Variants in GTF2F2 observed in about 807,000 individuals in gnomAD.
GTF2F2 encodes ATP-dependent helicase GTF2F2.
Under a neutral mutation model 42.2 loss-of-function variants are expected in GTF2F2, and 23 were observed. The ratio of observed to expected loss-of-function variants is 0.55; its 90% CI spans 0.39 to 0.77. The LOEUF (loss-of-function observed/expected upper bound fraction) is 0.77. GTF2F2 is among the 30% of genes least tolerant of loss of function. The pLI is 0.00. For synonymous variants in GTF2F2, 105 were observed against 100.8 expected (o/e 1.04, Z -0.25); for missense variants, 261 against 287.2 (o/e 0.91, Z 0.66).
intron 5 of GTF2F2, among the ~76,000 whole-genome samples, chr13:45,225,039 C>A (rs934455120): frequency 1.8e-4 from 27 of 152,182 alleles, no homozygotes; most frequent in African/African-American, 6.5e-4. Flanking sequence ...TCAGCTGAGG[C>A]CTTCACTAAA....
At chr13:45,122,582 C>T (rs1352524787) in intron 1 of GTF2F2, among the ~76,000 whole-genome samples, 3 of 151,762 alleles carry the variant, frequency 2.0e-5, no homozygotes, top group Admixed American at 6.6e-5. Context: ...TGCAGTGAGC[C>T]GAGATTGCTC....
At chr13:45,227,723 G>A (rs1874428665) in intron 5 of GTF2F2, among the ~76,000 whole-genome samples, 1 of 152,240 alleles carries the variant, frequency 6.6e-6, no homozygotes, top group Non-Finnish European at 1.5e-5. Flanking sequence ...TAAATGGAAT[G>A]TAATTAAATG....
At chr13:45,228,669 C>CTT (rs57570023) in intron 5 of GTF2F2, among the ~76,000 whole-genome samples, 8 of 108,280 alleles carry the variant, frequency 7.4e-5, no homozygotes, top group African/African-American at 1.4e-4. Flanking sequence ...CAGAGTTAAT[C>CTT]TTTTTTTTTT....
At chr13:45,179,349 A>C (rs373514612) in intron 4 of GTF2F2, among the ~76,000 whole-genome samples, 1 of 152,350 alleles carries the variant, frequency 6.6e-6, no homozygotes, top group South Asian at 2.1e-4. Flanking sequence ...TACAGTGACC[A>C]TGTAGCTTAC....
intron 4 of GTF2F2, among the ~76,000 whole-genome samples, chr13:45,201,153 A>G (rs1199912195): frequency 6.6e-6 from 1 of 152,174 alleles, no homozygotes; most frequent in Non-Finnish European, 1.5e-5. Context: ...TAACTTCTTC[A>G]AACTAGGGAT....
At chr13:45,126,065 A>T (rs987661918) in intron 1 of GTF2F2, among the ~76,000 whole-genome samples, 6 of 152,080 alleles carry the variant, frequency 3.9e-5, no homozygotes, top group Non-Finnish European at 7.4e-5. Context: ...CACTCTCAGC[A>T]GCTGTGGGAA....
chr13:45,191,255 A>ATATATATATATATATATATGGC (rs1260872563), intron 4 of GTF2F2, among the ~76,000 whole-genome samples: 13 of 136,522 alleles, frequency 9.5e-5, no homozygotes, highest in African/African-American at 3.2e-4. Flanking sequence ...ATATATATAT[A>ATATATATATATATATATATGGC]GCCATAATCT....
At position 45,139,856 on chromosome 13, in the gene GTF2F2, G is replaced by A. The variant is rs552142822; in HGVS notation, c.140+3050G>A. 6.4e-4 allele frequency among the ~76,000 whole-genome samples: 97 copies of A among 152,246 alleles called. 1 individual carries two copies. The South Asian group carries it at 0.02, about 31-fold the overall frequency. ...CAAGTACAGTTGTCCCTCAGTACCTGCAGGAGATTGGTGTCTGGCATGCCC... is the reference window on the plus strand; with the variant it reads ...CAAGTACAGTTGTCCCTCAGTACCTACAGGAGATTGGTGTCTGGCATGCCC... On this transcript the variant is annotated intron_variant, in intron 2 of 7. Transcript: ENST00000340473.
chr13:45,220,276 G>C (rs1328965589), intron 5 of GTF2F2, among the ~76,000 whole-genome samples: 1 of 152,090 alleles, frequency 6.6e-6, no homozygotes, highest in Admixed American at 6.6e-5. Flanking sequence ...CATAGCTTCA[G>C]AGTGCCATTT....
intron 4 of GTF2F2, among the ~76,000 whole-genome samples, chr13:45,164,329 T>C (rs1348238534): frequency 6.6e-6 from 1 of 151,256 alleles, no homozygotes; most frequent in South Asian, 2.1e-4. Context: ...GGCACTAGTA[T>C]AGTAATTCCC....
At chr13:45,228,587 C>T (rs950840940) in intron 5 of GTF2F2, among the ~76,000 whole-genome samples, 5 of 151,628 alleles carry the variant, frequency 3.3e-5, no homozygotes, top group Non-Finnish European at 2.9e-5. Context: ...AGCAGCTTCT[C>T]CTCATCCCTT....
At chr13:45,201,389 C>G (rs116641262) in intron 4 of GTF2F2, among the ~76,000 whole-genome samples, 1,813 of 152,188 alleles carry the variant, frequency 0.012, 31 homozygotes, top group African/African-American at 0.037. Flanking sequence ...CAAAATAACA[C>G]TAATGAAATA....
At chr13:45,164,445 G>A (rs1159301683) in intron 4 of GTF2F2, among the ~76,000 whole-genome samples, 1 of 152,064 alleles carries the variant, frequency 6.6e-6, no homozygotes, top group Non-Finnish European at 1.5e-5. Flanking sequence ...AGAAGTAGCA[G>A]CCCTAGTGGC....
intron 5 of GTF2F2, among the ~76,000 whole-genome samples, chr13:45,245,895 T>TCTGG (rs1364346050): frequency 7.3e-6 from 1 of 137,000 alleles, no homozygotes; most frequent in Non-Finnish European, 1.6e-5. Context: ...GAGCCCAGAC[T>TCTGG]GCGCCATTGC....
intron 4 of GTF2F2, among the ~76,000 whole-genome samples, chr13:45,202,000 A>G (rs1359518171): frequency 6.6e-6 from 1 of 152,254 alleles, no homozygotes; most frequent in East Asian, 1.9e-4. Flanking sequence ...GGCCATTCCT[A>G]CCACCTTCAG....
At chr13:45,128,341 G>A (rs1017430872) in intron 1 of GTF2F2, among the ~76,000 whole-genome samples, 1 of 149,414 alleles carries the variant, frequency 6.7e-6, no homozygotes, top group Non-Finnish European at 1.5e-5. Flanking sequence ...TTGGGAGGCC[G>A]AGGCGGGCAG....
At chr13:45,156,842 C>T (rs1274459476) in intron 4 of GTF2F2, among the ~76,000 whole-genome samples, 4 of 152,166 alleles carry the variant, frequency 2.6e-5, no homozygotes, top group South Asian at 2.1e-4. Context: ...TTATCTTTGA[C>T]GCCTTTGTAG....
At chr13:45,215,495 C>T (rs980382134) in intron 5 of GTF2F2, among the ~76,000 whole-genome samples, 2 of 152,212 alleles carry the variant, frequency 1.3e-5, no homozygotes, top group Non-Finnish European at 2.9e-5. Context: ...CGTGATGGCT[C>T]ATGCCAGTAA....
At chr13:45,224,357 G>T (rs191155980) in intron 5 of GTF2F2, among the ~76,000 whole-genome samples, 6 of 152,302 alleles carry the variant, frequency 3.9e-5, no homozygotes, top group African/African-American at 1.4e-4. Flanking sequence ...CCACTAGAAT[G>T]AATAGTGTGT....
Sources: allele counts gnomAD v4.1 joint callset (sites outside exome capture counted in the v4.1 genomes callset), GRCh38; gene constraint gnomAD v4.1.1; transcripts MANE v1.5; gene names NCBI Gene and HGNC (gene_info 2026-07-23, HGNC 2026-07-21).